The following BTRC variants were observed in gnomAD, a reference collection of about 807,000 sequenced individuals.
BTRC encodes the protein F-box/WD repeat-containing protein 1A.
In BTRC, 42 loss-of-function variants were observed where a neutral mutation model predicts 85.5. The ratio of observed to expected loss-of-function variants is 0.49; its 90% CI spans 0.38 to 0.64. The LOEUF is 0.64. BTRC is among the 30% of genes least tolerant of loss of function. The pLI is 0.00. For missense variants in BTRC, 594 were observed against 743.5 expected, an observed-to-expected ratio of 0.80 and a Z score of 2.34; for synonymous variants, 255 against 263.3, an observed-to-expected ratio of 0.97 and a Z score of 0.30.
At chr10:101,531,694 C>T (rs1019307894) in intron 7 of BTRC, among the ~76,000 whole-genome samples, 1 of 151,622 alleles carries the variant, frequency 6.6e-6, no homozygotes, top group Non-Finnish European at 1.5e-5. Context: ...GCACTCCCTC[C>T]TGAACGACAG....
At chr10:101,459,217 A>G (rs978103806) in intron 2 of BTRC, among the ~76,000 whole-genome samples, 1 of 152,204 alleles carries the variant, frequency 6.6e-6, no homozygotes, top group Non-Finnish European at 1.5e-5. Flanking sequence ...CACATAGCTT[A>G]TTGGGAATCC....
rs772642615 is a variant in BTRC, at chr10:101,534,619, T to A, written c.1098-42T>A. 1.9e-6 allele frequency: 3 copies of A among 1,610,416 alleles called. No individual in the cohort carries two copies. The South Asian group carries it at 3.3e-5, about 18-fold the overall frequency. Reference sequence around the variant, plus strand: ...ATGATGGTCAAATATAGGTAACAGATTGTAGCTTGAGTACCATCTAAATCT... The same window carrying A: ...ATGATGGTCAAATATAGGTAACAGAATGTAGCTTGAGTACCATCTAAATCT... On this transcript the variant is annotated intron_variant, in intron 9 of 14. Transcript: ENST00000370187.
intron 3 of BTRC, among the ~76,000 whole-genome samples, chr10:101,476,480 T>C (rs1342682106): frequency 6.6e-6 from 1 of 152,138 alleles, no homozygotes; most frequent in Non-Finnish European, 1.5e-5. Context: ...TCTTTCTTTC[T>C]TTTTTTAAAG....
At position 101,475,953 on chromosome 10, in the gene BTRC, A is replaced by ATATATATATATATATT. The variant is rs1265691229; in HGVS notation, c.235-3414_235-3413insATATATATATATATTT. ...TATATATATATATATATATATATAT[A>ATATATATATATATATT]TTCAGTAATTCCTAAGGGGAAAATA... On this transcript the variant is annotated intron_variant, in intron 3 of 14. Coordinates refer to ENST00000370187, the MANE Select transcript of BTRC (RefSeq NM_033637.4). 8.7e-4 allele frequency among the ~76,000 whole-genome samples: 117 copies of ATATATATATATATATT among 133,786 alleles called. 4 individuals are homozygous for ATATATATATATATATT. Among genetic ancestry groups the ATATATATATATATATT allele is most frequent in the African/African-American group, 2.2e-3 (76 of 33,960 alleles). 87.8% of individuals were successfully genotyped at this position (133,786 alleles called of 152,430 possible). A position where few individuals can be genotyped will look rare whatever the true frequency, so the allele number is the denominator to read the frequency against.
chr10:101,366,210 A>T (rs1266512628), intron 1 of BTRC, among the ~76,000 whole-genome samples: 1 of 152,126 alleles, frequency 6.6e-6, no homozygotes, highest in Non-Finnish European at 1.5e-5. Flanking sequence ...AGGAAAAAAA[A>T]ATCAGTGGGT....
chr10:101,479,303 T>C (rs961802074), intron 3 of BTRC, 65 bp from the exon 4 acceptor site: 1 of 1,239,858 alleles, frequency 8.1e-7, no homozygotes, highest in African/African-American at 1.5e-5. Flanking sequence ...GAGCAGAATT[T>C]GAAAACAGGA....
Position 101,389,115 on chromosome 10 carries a change from GTGTGTTTTTT to G in BTRC, c.48+34889_48+34898del, listed in dbSNP as rs1282372131. Among the ~76,000 whole-genome samples, 40 of 35,458 alleles carry G rather than the reference GTGTGTTTTTT, an allele frequency of 1.1e-3. 3 individuals are homozygous for G. The highest frequency in any genetic ancestry group is 5.5e-4 in the African/African-American group (4 of 7,306). The allele number at this position is 35,458 out of a possible 152,430, so 23.3% of individuals were successfully genotyped here. ...ATGTTGCATAATTGTGATTTTTTGT[GTGTGTTTTTT>G]TTTTTTTTTTTTTTTTTTTTTTTGC... On this transcript the variant is annotated intron_variant, in intron 1 of 14. Coordinates refer to ENST00000370187, the MANE Select transcript of BTRC (RefSeq NM_033637.4).
intron 2 of BTRC, among the ~76,000 whole-genome samples, chr10:101,458,731 T>G (rs939520228): frequency 1.3e-5 from 2 of 152,212 alleles, no homozygotes; most frequent in African/African-American, 4.8e-5. Context: ...TGATGTTTTC[T>G]TATAAGTAGA....
intron 1 of BTRC, among the ~76,000 whole-genome samples, chr10:101,375,649 C>G (rs1005262535): frequency 2.6e-5 from 4 of 152,294 alleles, no homozygotes; most frequent in African/African-American, 9.6e-5. Flanking sequence ...AAAAGTGGAA[C>G]TGGGAAACCT....
At chr10:101,458,203 G>A (rs115965795) in intron 2 of BTRC, among the ~76,000 whole-genome samples, 1 of 152,088 alleles carries the variant, frequency 6.6e-6, no homozygotes, top group African/African-American at 2.4e-5. Context: ...AGAAATACTA[G>A]TATTTACAAC....
At chr10:101,527,786 T>TACA (rs1294398662) in intron 6 of BTRC, among the ~76,000 whole-genome samples, 3 of 136,980 alleles carry the variant, frequency 2.2e-5, no homozygotes, top group South Asian at 2.3e-4. Flanking sequence ...TCTCTCTCTC[T>TACA]CTCTCACATA....
At chr10:101,357,151 G>A (rs1942059766) in intron 1 of BTRC, among the ~76,000 whole-genome samples, 1 of 146,146 alleles carries the variant, frequency 6.8e-6, no homozygotes, top group Non-Finnish European at 1.5e-5. Flanking sequence ...AAACAAAAAA[G>A]GAAGATATTG....
At chr10:101,363,107 T>C (rs1163492342) in intron 1 of BTRC, among the ~76,000 whole-genome samples, 1 of 152,234 alleles carries the variant, frequency 6.6e-6, no homozygotes, top group Non-Finnish European at 1.5e-5. Context: ...GTTCTAAATA[T>C]ACTGTTCTAA....
chr10:101,380,116 G>A (rs956416163), intron 1 of BTRC, among the ~76,000 whole-genome samples: 4 of 152,178 alleles, frequency 2.6e-5, no homozygotes, highest in South Asian at 2.1e-4. Flanking sequence ...TAAATTTTAC[G>A]TTGTACCATA....
chr10:101,372,401 C>T (rs768916186), intron 1 of BTRC, among the ~76,000 whole-genome samples: 8 of 150,604 alleles, frequency 5.3e-5, no homozygotes, highest in Non-Finnish European at 8.9e-5. Context: ...ATTACAGGCA[C>T]ACACCACCAC....
chr10:101,436,646 A>ATAGATAGG (rs1474998671), intron 2 of BTRC, among the ~76,000 whole-genome samples: 2 of 151,626 alleles, frequency 1.3e-5, no homozygotes, highest in Non-Finnish European at 1.5e-5. Flanking sequence ...AGATAGATAG[A>ATAGATAGG]TAGATAGATA....
chr10:101,387,724 C>G (rs1351618152), intron 1 of BTRC, among the ~76,000 whole-genome samples: 2 of 151,042 alleles, frequency 1.3e-5, no homozygotes, highest in Non-Finnish European at 2.9e-5. Flanking sequence ...GAGTCTTGCT[C>G]TGTCGCCCAG....
At chr10:101,408,880 C>G (rs1024752763) in intron 1 of BTRC, among the ~76,000 whole-genome samples, 1 of 151,942 alleles carries the variant, frequency 6.6e-6, no homozygotes, top group Admixed American at 6.6e-5. Flanking sequence ...AACCCTGACT[C>G]TACTAAAAAT....
chr10:101,514,422 A>G lies in BTRC; in HGVS notation c.325-7217A>G, dbSNP rs531179640. On this transcript the variant is annotated intron_variant, in intron 4 of 14. Coordinates refer to ENST00000370187, the MANE Select transcript of BTRC (RefSeq NM_033637.4). Reference sequence around the variant, plus strand: ...GTTAGGAACAGACTTCATTTCCTCTATGGATATCCAATTGTTGAAAGACAA... The same window carrying G: ...GTTAGGAACAGACTTCATTTCCTCTGTGGATATCCAATTGTTGAAAGACAA... 2.0e-5 allele frequency among the ~76,000 whole-genome samples: 3 copies of G among 151,648 alleles called. No homozygotes were observed. In the East Asian group the frequency reaches 5.8e-4, roughly 29 times the overall value.
Sources: gnomAD v4.1 joint callset for allele counts (sites outside exome capture counted in the v4.1 genomes callset) on GRCh38, gnomAD v4.1.1 for gene constraint, MANE v1.5 for transcripts, NCBI Gene and HGNC (gene_info 2026-07-23, HGNC 2026-07-21) for gene names.